The following PLEKHS1 variants were observed in gnomAD, a reference collection of about 807,000 sequenced individuals.
The protein encoded by PLEKHS1 is pleckstrin homology domain containing S1.
In PLEKHS1, 55 loss-of-function variants were observed where a neutral mutation model predicts 51.0. That is an observed-to-expected ratio of 1.08 (90% CI 0.87 to 1.35). The LOEUF is 1.35. Among genes scored for constraint, PLEKHS1 ranks in the 40% most tolerant of loss-of-function variants. The probability of loss-of-function intolerance (pLI) is 0.00; values close to 1 mark genes in which losing one functional copy is unlikely to be tolerated. For missense variants in PLEKHS1, 398 were observed against 423.0 expected, an observed-to-expected ratio of 0.94 and a Z score of 0.52; for synonymous variants, 153 against 144.8, an observed-to-expected ratio of 1.06 and a Z score of -0.41.
At chr10:113,770,261 A>G (rs2134540450) in intron 7 of PLEKHS1, among the ~76,000 whole-genome samples, 1 of 152,268 alleles carries the variant, frequency 6.6e-6, no homozygotes, top group Middle Eastern at 3.4e-3. Flanking sequence ...ATTTCTGCCC[A>G]TTCTGTCTGT....
At chr10:113,756,203 G>A (rs1854102794) in intron 2 of PLEKHS1, among the ~76,000 whole-genome samples, 1 of 152,146 alleles carries the variant, frequency 6.6e-6, no homozygotes, top group South Asian at 2.1e-4. Context: ...TGCCCTCAAA[G>A]AGTTTTAAAA....
At chr10:113,780,371 C>T (rs1844828393) in intron 11 of PLEKHS1, among the ~76,000 whole-genome samples, 1 of 152,074 alleles carries the variant, frequency 6.6e-6, no homozygotes, top group Non-Finnish European at 1.5e-5. Flanking sequence ...CTGGATCCTT[C>T]CTTAAAAGCT....
intron 2 of PLEKHS1, among the ~76,000 whole-genome samples, chr10:113,757,592 G>T (rs1446556412): frequency 1.3e-5 from 2 of 152,214 alleles, no homozygotes; most frequent in Admixed American, 1.3e-4. Context: ...CCTCGATGTT[G>T]ACGGCTGCTG....
In PLEKHS1 at chr10:113,775,145, C is replaced by T. The variant is rs147012251; in HGVS notation, c.989+110C>T. ...TTTTAAAGCTGTTCCTAAAAATCTC[C>T]AAGTCAGCCAAAAACTTGACCATCT... On this transcript the variant is annotated intron_variant, in intron 10 of 11. Coordinates refer to ENST00000361048, the Ensembl canonical transcript of PLEKHS1. The T allele has an allele frequency of 7.8e-4, 785 of 1,012,060 alleles. 11 individuals are homozygous for T. In the East Asian group the frequency reaches 0.016, roughly 21 times the overall value. 62.7% of individuals were successfully genotyped at this position (1,012,060 alleles called of 1,614,324 possible).
intron 6 of PLEKHS1, among the ~76,000 whole-genome samples, 157 bp from the exon 7 acceptor site, chr10:113,769,627 G>A (rs1204702108): frequency 3.3e-5 from 5 of 152,160 alleles, no homozygotes; most frequent in South Asian, 2.1e-4. Context: ...AGACAAGTTC[G>A]GCTCTTGTCT....
At chr10:113,780,125 G>C (rs1050096918) in intron 11 of PLEKHS1, among the ~76,000 whole-genome samples, 13 of 152,154 alleles carry the variant, frequency 8.5e-5, no homozygotes, top group Admixed American at 8.5e-4. Flanking sequence ...GTGGAGGTTG[G>C]GGTGGGGATG....
At chr10:113,755,162 G>A (rs889720963) in intron 1 of PLEKHS1, 97 bp from the exon 2 acceptor site, 16 of 1,354,096 alleles carry the variant, frequency 1.2e-5, no homozygotes, top group South Asian at 3.2e-5. Flanking sequence ...AGCAACATTC[G>A]TGAGCACAAT....
chr10:113,772,570 C>T (rs1437080906), intron 8 of PLEKHS1, among the ~76,000 whole-genome samples: 2 of 152,158 alleles, frequency 1.3e-5, no homozygotes, highest in African/African-American at 2.4e-5. Flanking sequence ...CTGTACTGTA[C>T]TGGGCATGGT....
At chr10:113,780,655 A>G in exon 12 of PLEKHS1, 1 of 1,613,914 alleles carries the variant, frequency 6.2e-7, no homozygotes. Flanking sequence ...TCCATGCTGC[A>G]TCCTGTATGT....
intron 9 of PLEKHS1, 62 bp downstream of exon 9, chr10:113,774,395 T>A: frequency 1.0e-6 from 1 of 963,464 alleles, no homozygotes. Context: ...GAACAATGAT[T>A]GTCAGTTCAT....
intron 5 of PLEKHS1, 69 bp downstream of exon 5, chr10:113,767,548 T>C (rs1844221793): frequency 2.8e-6 from 4 of 1,440,400 alleles, no homozygotes; most frequent in South Asian, 2.9e-5. Flanking sequence ...AAACAAAACA[T>C]TTTATACCAA....
exon 11 of PLEKHS1, chr10:113,775,856 G>A: frequency 1.2e-6 from 2 of 1,607,710 alleles, no homozygotes; most frequent in South Asian, 1.1e-5. Flanking sequence ...AGAAGCCACA[G>A]GACGGATATG....
intron 10 of PLEKHS1, 75 bp downstream of exon 10, chr10:113,775,110 A>G: frequency 7.5e-7 from 1 of 1,326,686 alleles, no homozygotes; most frequent in Non-Finnish European, 1.0e-6. Flanking sequence ...TTTTTAACTT[A>G]GAATTTAAAT....
intron 2 of PLEKHS1, among the ~76,000 whole-genome samples, chr10:113,763,068 T>G (rs1844014242): frequency 6.6e-6 from 1 of 152,134 alleles, no homozygotes; most frequent in Non-Finnish European, 1.5e-5. Context: ...ATTGCGGATG[T>G]GTCCATTTAT....
chr10:113,772,179 G>A, intron 8 of PLEKHS1, 90 bp downstream of exon 8: 1 of 1,401,356 alleles, frequency 7.1e-7, no homozygotes, highest in Non-Finnish European at 9.9e-7. Context: ...ATTAGGCTAT[G>A]GTCAGTGGGA....
chr10:113,781,237 ATCCTTCCCAACACC>A (rs1268951399), exon 12 of PLEKHS1: 65 of 69,568 alleles, frequency 9.3e-4, no homozygotes, highest in African/African-American at 2.4e-3. Context: ...CTTCCCCAAC[ATCCTTCCCAACACC>A]TCCTTCCCAA....
intron 6 of PLEKHS1, 122 bp downstream of exon 6, chr10:113,769,012 G>A: frequency 1.6e-6 from 1 of 607,726 alleles, no homozygotes; most frequent in Non-Finnish European, 2.6e-6. Flanking sequence ...ATAAATAAAT[G>A]AGAAAATGTA....
At chr10:113,755,651 C>T (rs1189247801) in intron 2 of PLEKHS1, among the ~76,000 whole-genome samples, 1 of 152,144 alleles carries the variant, frequency 6.6e-6, no homozygotes, top group South Asian at 2.1e-4. Flanking sequence ...TGATTCCCCA[C>T]CTCTCAGCCT....
At position 113,773,449 on chromosome 10, in the gene PLEKHS1, T is replaced by TA. The variant is rs567116047; in HGVS notation, c.673-771dup. ...AAAGATAAATAAATAAATAAATAAGTAAAAAAACTATGCAATGGAAATTGA... is the reference window on the plus strand; with the variant it reads ...AAAGATAAATAAATAAATAAATAAGTAAAAAAAACTATGCAATGGAAATTGA... On this transcript the variant is annotated intron_variant, in intron 8 of 11. Coordinates refer to ENST00000361048, the Ensembl canonical transcript of PLEKHS1. Among the ~76,000 whole-genome samples, 16 of 151,892 alleles carry TA rather than the reference T, an allele frequency of 1.1e-4. No homozygotes were observed. The South Asian group carries it at 2.3e-3, about 22-fold the overall frequency.
Sources: gnomAD v4.1 joint callset for allele counts (sites outside exome capture counted in the v4.1 genomes callset) on GRCh38, gnomAD v4.1.1 for gene constraint, MANE v1.5 for transcripts, NCBI Gene and HGNC (gene_info 2026-07-23, HGNC 2026-07-21) for gene names.